DGKI: variants seen among roughly 807,000 people sequenced by gnomAD.
The protein encoded by DGKI is DAG kinase iota.
Under a neutral mutation model 147.5 loss-of-function variants are expected in DGKI, and 55 were observed. The observed-to-expected ratio is 0.37, with a 90% CI of 0.30 to 0.47. The LOEUF is 0.47. Ranked by LOEUF, DGKI falls within the 20% of genes least tolerant of loss-of-function variation. The pLI is 1.00. For synonymous variants in DGKI, 469 were observed against 477.1 expected (o/e 0.98, Z 0.22); for missense variants, 1,007 against 1,323.8 (o/e 0.76, Z 3.71).
intron 1 of DGKI, among the ~76,000 whole-genome samples, chr7:137,816,416 G>A (rs1237919710): frequency 6.6e-6 from 1 of 152,292 alleles, no homozygotes; most frequent in South Asian, 2.1e-4. Flanking sequence ...CAAAATGCTT[G>A]GAACAGGGCC....
chr7:137,432,429 G>A (rs1813115850), intron 28 of DGKI, among the ~76,000 whole-genome samples: 2 of 152,126 alleles, frequency 1.3e-5, no homozygotes, highest in South Asian at 2.1e-4. Context: ...TTTTTTGGCT[G>A]TCTGACATTG....
chr7:137,450,495 G>A (rs530473503), intron 27 of DGKI, among the ~76,000 whole-genome samples: 1 of 152,272 alleles, frequency 6.6e-6, no homozygotes, highest in East Asian at 1.9e-4. Flanking sequence ...AAGGCGGGCA[G>A]ATCACCTGAG....
Position 137,552,558 on chromosome 7 carries a change from T to C in DGKI, c.1958A>G (p.Gln653Arg), listed in dbSNP as rs1410772351. ...TAGCCTCTCTCCATGGCCCCCAACT[T>C]GCAGGGCTGCCTATAAAAACAAGAG... ...GFTMASLAAL[Q>R]VGGHGERLHQ... The change falls in exon 20 of 33, where the codon CAA (glutamine) becomes CGA (arginine). Residue 653 changes from glutamine (Q) to arginine (R), a missense_variant. Physicochemically the swap from Gln to Arg is conservative, Grantham distance 43 (BLOSUM62 1). Coordinates refer to ENST00000614521, the MANE Select transcript of DGKI (RefSeq NM_001321708.2). 6.2e-7 allele frequency: 1 copy of C among 1,613,896 alleles called. No individual in the cohort carries two copies. Among genetic ancestry groups the C allele is most frequent in the African/African-American group, 1.3e-5 (1 of 74,904 alleles).
intron 23 of DGKI, among the ~76,000 whole-genome samples, chr7:137,471,516 G>GA (rs1205770193): frequency 6.6e-6 from 1 of 152,192 alleles, no homozygotes; most frequent in Admixed American, 6.5e-5. Context: ...CTCAAAGTGT[G>GA]CATCAGCTAG....
intron 3 of DGKI, among the ~76,000 whole-genome samples, chr7:137,660,576 T>C (rs965672646): frequency 5.3e-5 from 8 of 152,190 alleles, no homozygotes; most frequent in Non-Finnish European, 1.2e-4. Flanking sequence ...GAGGCATCAG[T>C]GGCAGGCAGT....
At chr7:137,466,737 A>G (rs1029182823) in intron 25 of DGKI, among the ~76,000 whole-genome samples, 165 bp downstream of exon 25, 8 of 152,226 alleles carry the variant, frequency 5.3e-5, no homozygotes, top group African/African-American at 1.7e-4. Context: ...CATAAATCAT[A>G]AAACACGTGA....
intron 20 of DGKI, among the ~76,000 whole-genome samples, chr7:137,529,410 G>A (rs993436779): frequency 1.3e-5 from 2 of 152,100 alleles, no homozygotes; most frequent in African/African-American, 4.8e-5. Flanking sequence ...CCAGAATAGG[G>A]ACCACTCAAA....
chr7:137,498,075 T>G (rs1318072605), intron 21 of DGKI, among the ~76,000 whole-genome samples: 1 of 151,472 alleles, frequency 6.6e-6, no homozygotes, highest in African/African-American at 2.4e-5. Context: ...AATGGAAAAA[T>G]TATAATATTA....
chr7:137,761,714 A>C (rs1795861709), intron 1 of DGKI, among the ~76,000 whole-genome samples: 1 of 152,112 alleles, frequency 6.6e-6, no homozygotes, highest in African/African-American at 2.4e-5. Context: ...AAACATTCTC[A>C]CTAAGCAATC....
intron 19 of DGKI, among the ~76,000 whole-genome samples, chr7:137,563,254 C>A (rs1399074967): frequency 2.0e-5 from 3 of 151,564 alleles, no homozygotes; most frequent in Admixed American, 1.3e-4. Flanking sequence ...AATGGAAATT[C>A]CTTCATCATA....
intron 20 of DGKI, among the ~76,000 whole-genome samples, chr7:137,540,770 A>G (rs1442241454): frequency 8.6e-6 from 1 of 116,394 alleles, no homozygotes; most frequent in African/African-American, 5.3e-5. Flanking sequence ...CCCAAAAAAA[A>G]AAAAAAAAAA....
intron 1 of DGKI, among the ~76,000 whole-genome samples, chr7:137,804,412 G>A (rs887282387): frequency 6.6e-6 from 1 of 152,180 alleles, no homozygotes; most frequent in African/African-American, 2.4e-5. Context: ...TCGATGCCCT[G>A]TTCATTCGTC....
rs527448847 is a variant in DGKI, at chr7:137,530,952, C to T, written c.2148-8986G>A. On this transcript the variant is annotated intron_variant, in intron 20 of 32. Transcript: ENST00000614521. ...GATATTATTGCAAATTTAAGTCTTA[C>T]GAAGATGCCGTCTTCTGCCCTGATA... is the stretch of plus-strand genomic sequence containing the variant. 1.3e-3 allele frequency among the ~76,000 whole-genome samples: 191 copies of T among 152,154 alleles called. 1 individual carries two copies. Among genetic ancestry groups the T allele is most frequent in the African/African-American group, 4.5e-3 (186 of 41,492 alleles).
In DGKI at chr7:137,397,636, T is replaced by C. The variant is rs189527118; in HGVS notation, c.2921-223A>G. Among the ~76,000 whole-genome samples, 15 of 152,324 alleles carry C rather than the reference T, an allele frequency of 9.8e-5. No individual in the cohort carries two copies. In the East Asian group the frequency reaches 2.9e-3, roughly 29 times the overall value. ...GAATGGTAGATAAAAAAGAATGGTA[T>C]GGTCTCTGCTGTCAAGCAGCTTTCG... On this transcript the variant is annotated intron_variant, in intron 30 of 32. Transcript: ENST00000614521.
intron 1 of DGKI, chr7:137,774,911 G>A (rs896253709): frequency 6.6e-6 from 1 of 152,190 alleles, no homozygotes; most frequent in African/African-American, 2.4e-5. Context: ...GGACTGTTAT[G>A]AGTGGCTGCT....
At chr7:137,830,890 T>C (rs999579375) in intron 1 of DGKI, among the ~76,000 whole-genome samples, 9 of 152,198 alleles carry the variant, frequency 5.9e-5, no homozygotes, top group African/African-American at 2.2e-4. Flanking sequence ...ATCCAATTAA[T>C]TGACTCCATC....
intron 28 of DGKI, among the ~76,000 whole-genome samples, chr7:137,416,953 G>A (rs1348101974): frequency 6.6e-6 from 1 of 152,122 alleles, no homozygotes; most frequent in African/African-American, 2.4e-5. Context: ...AACATTATTA[G>A]AAACAAGGCT....
At chr7:137,669,755 T>G (rs917393296) in intron 3 of DGKI, among the ~76,000 whole-genome samples, 1 of 152,198 alleles carries the variant, frequency 6.6e-6, no homozygotes, top group African/African-American at 2.4e-5. Flanking sequence ...AAAAAAGTCA[T>G]AAAGCTCTAG....
chr7:137,493,293 C>A (rs997781561), intron 21 of DGKI, among the ~76,000 whole-genome samples: 2 of 152,218 alleles, frequency 1.3e-5, no homozygotes, highest in East Asian at 3.9e-4. Flanking sequence ...CTATTACTGC[C>A]ACTTGCAAAT....
Sources: allele counts gnomAD v4.1 joint callset (sites outside exome capture counted in the v4.1 genomes callset), GRCh38; gene constraint gnomAD v4.1.1; transcripts MANE v1.5; gene names NCBI Gene and HGNC (gene_info 2026-07-23, HGNC 2026-07-21).